Variants in SPMIP2 observed in about 807,000 individuals in gnomAD.
The protein encoded by SPMIP2 is sperm microtubule inner protein 2.
At chr4:159,072,606 A>G in the SPMIP2 span, among the ~76,000 whole-genome samples, 1 of 151,666 alleles carries the variant, frequency 6.6e-6, no homozygotes, top group Admixed American at 6.6e-5. Context: ...CAGATTACAG[A>G]CACGCACCAC....
the SPMIP2 span, among the ~76,000 whole-genome samples, chr4:158,996,548 T>C: frequency 2.6e-5 from 4 of 152,304 alleles, no homozygotes; most frequent in South Asian, 2.1e-4. Flanking sequence ...CATTGCAAAA[T>C]TGATTAAACA....
the SPMIP2 span, among the ~76,000 whole-genome samples, chr4:158,910,800 C>G: frequency 1.3e-5 from 2 of 152,156 alleles, no homozygotes; most frequent in Non-Finnish European, 2.9e-5. Flanking sequence ...GCTCACCCTG[C>G]TGCGTTTGGA....
the SPMIP2 span, among the ~76,000 whole-genome samples, chr4:158,922,619 T>A: frequency 6.6e-6 from 1 of 152,236 alleles, no homozygotes; most frequent in Non-Finnish European, 1.5e-5. Context: ...TACTATTGAA[T>A]CCACAGATAT....
chr4:159,051,552 T>C, the SPMIP2 span, among the ~76,000 whole-genome samples: 1 of 152,244 alleles, frequency 6.6e-6, no homozygotes, highest in African/African-American at 2.4e-5. Flanking sequence ...TATACTATGG[T>C]TATTTCCAAA....
chr4:158,963,598 T>C, the SPMIP2 span, among the ~76,000 whole-genome samples: 1 of 152,210 alleles, frequency 6.6e-6, no homozygotes, highest in Non-Finnish European at 1.5e-5. Flanking sequence ...GTAGGCAGAA[T>C]TCTAGGAGAG....
chr4:158,928,873 C>T, the SPMIP2 span, among the ~76,000 whole-genome samples: 7 of 152,092 alleles, frequency 4.6e-5, no homozygotes, highest in Non-Finnish European at 8.8e-5. Flanking sequence ...ACAGTCACCG[C>T]GAAGGGCTGC....
the SPMIP2 span, among the ~76,000 whole-genome samples, chr4:159,034,007 T>C: frequency 6.6e-6 from 1 of 152,160 alleles, no homozygotes. Flanking sequence ...TGTGGTGGCA[T>C]GTGCCTATAG....
the SPMIP2 span, among the ~76,000 whole-genome samples, chr4:159,018,556 A>G: frequency 2.0e-5 from 3 of 152,214 alleles, no homozygotes; most frequent in Admixed American, 1.3e-4. Flanking sequence ...AAATACCTGG[A>G]CAGCTTATCA....
At chr4:158,894,618 T>A in the SPMIP2 span, among the ~76,000 whole-genome samples, 2 of 152,198 alleles carry the variant, frequency 1.3e-5, no homozygotes, top group Non-Finnish European at 2.9e-5. Flanking sequence ...CAATGTAATA[T>A]GAATATTATT....
chr4:159,073,639 C>T, the SPMIP2 span, among the ~76,000 whole-genome samples: 1 of 152,184 alleles, frequency 6.6e-6, no homozygotes, highest in African/African-American at 2.4e-5. Context: ...CCTCCCTCTC[C>T]TAATCCAGTC....
At chr4:158,967,957 G>A in the SPMIP2 span, among the ~76,000 whole-genome samples, 1 of 152,148 alleles carries the variant, frequency 6.6e-6, no homozygotes, top group Non-Finnish European at 1.5e-5. Context: ...GCAATAAAGT[G>A]CTTACAAAAT....
chr4:158,924,444 A>C, the SPMIP2 span, among the ~76,000 whole-genome samples: 1 of 152,284 alleles, frequency 6.6e-6, no homozygotes, highest in African/African-American at 2.4e-5. Flanking sequence ...CAATGGTGCA[A>C]TCTCTGCTTA....
chr4:159,015,295 T>G, the SPMIP2 span, among the ~76,000 whole-genome samples: 2 of 152,188 alleles, frequency 1.3e-5, no homozygotes, highest in African/African-American at 4.8e-5. Context: ...ATTCCTTTAC[T>G]GAAGGAAAGG....
chr4:158,897,934 T>A, the SPMIP2 span, among the ~76,000 whole-genome samples: 1 of 152,234 alleles, frequency 6.6e-6, no homozygotes, highest in Admixed American at 6.5e-5. Context: ...CTGAATGGTA[T>A]TGCCTAGGTT....
At chr4:158,982,577 A>G in the SPMIP2 span, among the ~76,000 whole-genome samples, 1 of 152,188 alleles carries the variant, frequency 6.6e-6, no homozygotes, top group Non-Finnish European at 1.5e-5. Flanking sequence ...ACTCACTCAA[A>G]ACCGCACAAC....
At chr4:159,027,868 C>T in the SPMIP2 span, among the ~76,000 whole-genome samples, 7 of 152,154 alleles carry the variant, frequency 4.6e-5, no homozygotes, top group Non-Finnish European at 1.0e-4. Flanking sequence ...TTCATCATAT[C>T]GTTTTTTGGC....
chr4:158,925,833 A>G, the SPMIP2 span, among the ~76,000 whole-genome samples: 1 of 152,170 alleles, frequency 6.6e-6, no homozygotes, highest in African/African-American at 2.4e-5. Context: ...AGTGGCTTAT[A>G]AGTAACAGAA....
the SPMIP2 span, among the ~76,000 whole-genome samples, chr4:158,956,892 G>A: frequency 6.6e-6 from 1 of 152,136 alleles, no homozygotes; most frequent in Non-Finnish European, 1.5e-5. Context: ...AGATGGGCCT[G>A]TAAAAATGAA....
chr4:158,966,040 C>CT, the SPMIP2 span, among the ~76,000 whole-genome samples: 8 of 152,216 alleles, frequency 5.3e-5, no homozygotes, highest in African/African-American at 1.7e-4. Context: ...CACAAAGAAA[C>CT]TTTCCTGTGA....
Sources: allele counts gnomAD v4.1 joint callset (sites outside exome capture counted in the v4.1 genomes callset), GRCh38; gene constraint gnomAD v4.1.1; transcripts MANE v1.5; gene names NCBI Gene and HGNC (gene_info 2026-07-23, HGNC 2026-07-21).